TANGO2: variants seen among roughly 807,000 people sequenced by gnomAD.
The protein encoded by TANGO2 is transport and Golgi organization protein 2 homolog.
Under a neutral mutation model 39.1 loss-of-function variants are expected in TANGO2, and 26 were observed. The ratio of observed to expected loss-of-function variants is 0.67; its 90% confidence interval spans 0.49 to 0.92. The LOEUF (loss-of-function observed/expected upper bound fraction) is 0.92, where lower values mean the gene tolerates loss of function less well. TANGO2 is among the 40% of genes least tolerant of loss of function. TANGO2 has a pLI of 0.00. For synonymous variants in TANGO2, 131 were observed against 144.5 expected (o/e 0.91, Z 0.67); for missense variants, 326 against 360.1 (o/e 0.91, Z 0.77).
chr22:20,066,663 G>A lies in TANGO2; in HGVS notation c.*2001G>A, dbSNP rs558399283. ...GAAACTGAGGCCCCACATCCCATAC[G>A]TGTCCTCTGAGTCAGGACAACAGGC... On this transcript the variant is annotated 3_prime_UTR_variant, in exon 9 of 9. Coordinates refer to ENST00000327374, the MANE Select transcript of TANGO2 (RefSeq NM_152906.7). Among the ~76,000 whole-genome samples the A allele has an allele frequency of 5.9e-5, 9 of 151,912 alleles. No individual in the cohort carries two copies. Among genetic ancestry groups the A allele is most frequent in the African/African-American group, 1.9e-4 (8 of 41,530 alleles).
intron 2 of TANGO2, among the ~76,000 whole-genome samples, chr22:20,040,933 G>T (rs1422476638): frequency 6.6e-6 from 1 of 152,210 alleles, no homozygotes; most frequent in Non-Finnish European, 1.5e-5. Context: ...GGGCCAGCTG[G>T]GTGTCAGACC....
intron 2 of TANGO2, among the ~76,000 whole-genome samples, chr22:20,039,090 T>C (rs528235930): frequency 7.3e-6 from 1 of 136,374 alleles, no homozygotes. Flanking sequence ...TACAACACCA[T>C]GCCCGGCTAA....
At chr22:20,017,032 A>G (rs1357801096), upstream of TANGO2, 1 of 152,104 alleles carries the variant, frequency 6.6e-6, no homozygotes, top group Non-Finnish European at 1.5e-5. Flanking sequence ...CACCTGCCCG[A>G]ACCTCTGCGG....
At chr22:20,049,050 A>G (rs1447465494) in intron 3 of TANGO2, among the ~76,000 whole-genome samples, 1 of 152,142 alleles carries the variant, frequency 6.6e-6, no homozygotes, top group Admixed American at 6.6e-5. Context: ...AATATATAAC[A>G]ATATTTTCCT....
intron 3 of TANGO2, among the ~76,000 whole-genome samples, chr22:20,049,264 T>TA (rs1287088657): frequency 6.6e-6 from 1 of 152,182 alleles, no homozygotes; most frequent in African/African-American, 2.4e-5. Flanking sequence ...CAGTTGAACA[T>TA]ATATGTGTGG....
chr22:20,048,432 G>A (rs2045666530), intron 3 of TANGO2: 1 of 152,106 alleles, frequency 6.6e-6, no homozygotes, highest in African/African-American at 2.4e-5. Flanking sequence ...GCATGAGAAT[G>A]GACTAATAAA....
chr22:20,039,980 T>C (rs1359133116), intron 2 of TANGO2, among the ~76,000 whole-genome samples: 2 of 151,976 alleles, frequency 1.3e-5, no homozygotes, highest in Non-Finnish European at 2.9e-5. Flanking sequence ...AAAGCCGAGG[T>C]GACTTGCCAT....
intron 3 of TANGO2, among the ~76,000 whole-genome samples, chr22:20,046,675 A>G (rs1160913121): frequency 6.6e-6 from 1 of 152,006 alleles, no homozygotes; most frequent in Non-Finnish European, 1.5e-5. Flanking sequence ...TTTAAGTTCT[A>G]GGGTACATGT....
chr22:20,050,609 G>A (rs1296256157), intron 3 of TANGO2, among the ~76,000 whole-genome samples: 9 of 149,980 alleles, frequency 6.0e-5, no homozygotes, highest in African/African-American at 1.7e-4. Context: ...TGATCCGCCC[G>A]CCTTGGCCTC....
At chr22:20,063,184 G>A in intron 7 of TANGO2, 154 bp from the exon 8 acceptor site, 1 of 602,268 alleles carries the variant, frequency 1.7e-6, no homozygotes. Flanking sequence ...GAAAAGAGAA[G>A]AGAAGAGGAA....
At chr22:20,032,357 G>A (rs2042033032) in intron 1 of TANGO2, among the ~76,000 whole-genome samples, 1 of 152,254 alleles carries the variant, frequency 6.6e-6, no homozygotes, top group Admixed American at 6.5e-5. Context: ...TAGCCCCTTG[G>A]GGCAGGCGGG....
intron 1 of TANGO2, among the ~76,000 whole-genome samples, chr22:20,035,487 G>C (rs4819858): frequency 0.4 from 60,440 of 152,156 alleles, 13,935 homozygotes; most frequent in Middle Eastern, 0.52. Flanking sequence ...GTCACCCTTG[G>C]GTGGCCTCGG....
At chr22:20,050,187 G>A (rs2046029336) in intron 3 of TANGO2, among the ~76,000 whole-genome samples, 1 of 151,982 alleles carries the variant, frequency 6.6e-6, no homozygotes, top group Non-Finnish European at 1.5e-5. Flanking sequence ...CTCCAGCCTA[G>A]GCGACAGAGC....
At chr22:20,019,727 C>T (rs527840343), upstream of TANGO2, among the ~76,000 whole-genome samples, 1 of 152,354 alleles carries the variant, frequency 6.6e-6, no homozygotes, top group Non-Finnish European at 1.5e-5. Context: ...CCCCAAGCCC[C>T]AGATCCCACT....
intron 3 of TANGO2, among the ~76,000 whole-genome samples, chr22:20,045,499 CTTTTTT>C (rs695487): frequency 2.7e-5 from 3 of 112,534 alleles, no homozygotes; most frequent in Non-Finnish European, 3.5e-5. Flanking sequence ...GCCATCACTT[CTTTTTT>C]TTTTTTTTTT....
rs553691273 is a variant in TANGO2, at chr22:20,064,040, T to A, written c.711-502T>A. Among the ~76,000 whole-genome samples the A allele has an allele frequency of 7.2e-5, 11 of 152,242 alleles. No individual in the cohort carries two copies. The South Asian group carries it at 2.3e-3, about 32-fold the overall frequency. Reference sequence around the variant, plus strand: ...CTGCAAAGCCCACGGCAGAGAGGGTTGGAGGAGAGGAGAGTGTGCTGAATG... The same window carrying A: ...CTGCAAAGCCCACGGCAGAGAGGGTAGGAGGAGAGGAGAGTGTGCTGAATG... On this transcript the variant is annotated intron_variant, in intron 8 of 8. Transcript: ENST00000327374.
intron 2 of TANGO2, 59 bp downstream of exon 2, chr22:20,036,913 C>G: frequency 6.2e-7 from 1 of 1,614,172 alleles, no homozygotes; most frequent in South Asian, 1.1e-5. Context: ...CCAGCCAGTT[C>G]TCATGCCACC....
At chr22:20,064,096 C>A (rs2048873905) in intron 8 of TANGO2, among the ~76,000 whole-genome samples, 1 of 152,168 alleles carries the variant, frequency 6.6e-6, no homozygotes, top group African/African-American at 2.4e-5. Context: ...ATGGCCTGGG[C>A]AGTGGAAGAG....
chr22:20,066,791 C>T lies in TANGO2; in HGVS notation c.*2129C>T. ...GTGCCAGTCCCCAACCTGGATGGTG[C>T]CCTGCCCTCATGAAGAGCCCCCCGG... On this transcript the variant is annotated 3_prime_UTR_variant, in exon 9 of 9. Transcript: ENST00000327374. Among the ~76,000 whole-genome samples the T allele has an allele frequency of 6.6e-6, 1 of 152,100 alleles. No homozygotes were observed. The highest frequency in any genetic ancestry group is 1.9e-4 in the East Asian group (1 of 5,184).
Sources: allele counts gnomAD v4.1 joint callset (sites outside exome capture counted in the v4.1 genomes callset), GRCh38; gene constraint gnomAD v4.1.1; transcripts MANE v1.5; gene names NCBI Gene and HGNC (gene_info 2026-07-23, HGNC 2026-07-21).